Variants in ACTR3C observed in about 807,000 individuals in gnomAD.
ACTR3C encodes actin related protein 3C.
Under a neutral mutation model 26.3 loss-of-function variants are expected in ACTR3C, and 18 were observed. The ratio of observed to expected loss-of-function variants is 0.68; its 90% CI spans 0.47 to 1.01. The LOEUF (loss-of-function observed/expected upper bound fraction) is 1.01, where lower values mean the gene tolerates loss of function less well. Among genes scored for constraint, ACTR3C ranks in the 50% least tolerant of loss-of-function variants. ACTR3C has a pLI of 0.00. For missense variants in ACTR3C, 184 were observed against 250.7 expected, an observed-to-expected ratio of 0.73 and a Z score of 1.80; for synonymous variants, 55 against 94.5, an observed-to-expected ratio of 0.58 and a Z score of 2.42.
the ACTR3C span, among the ~76,000 whole-genome samples, chr7:150,125,432 T>C: frequency 5.7e-4 from 85 of 147,910 alleles, no homozygotes; most frequent in African/African-American, 1.9e-3. Context: ...ATAGAGAGTC[T>C]AGAAAATCTT....
intron 6 of ACTR3C, among the ~76,000 whole-genome samples, chr7:150,259,298 A>G (rs1833474750): frequency 6.6e-6 from 1 of 151,878 alleles, no homozygotes; most frequent in African/African-American, 2.4e-5. Context: ...AGAAAAAGAA[A>G]GAAAGAAAGA....
chr7:150,127,066 C>A, the ACTR3C span, among the ~76,000 whole-genome samples: 9 of 151,840 alleles, frequency 5.9e-5, no homozygotes, highest in African/African-American at 2.2e-4. Flanking sequence ...CAGGAAGAAT[C>A]CTCAGAGGAC....
intron 6 of ACTR3C, among the ~76,000 whole-genome samples, chr7:150,250,542 AGATTTCAGTGT>A (rs947205186): frequency 6.6e-6 from 1 of 151,798 alleles, no homozygotes; most frequent in African/African-American, 2.4e-5. Context: ...TACTGTGTTG[AGATTTCAGTGT>A]GAGGGTTAAG....
At chr7:149,900,979 G>A in the ACTR3C span, among the ~76,000 whole-genome samples, 1 of 151,928 alleles carries the variant, frequency 6.6e-6, no homozygotes, top group Non-Finnish European at 1.5e-5. Context: ...GTCACAGTAA[G>A]CCGACATCAC....
At chr7:150,111,345 G>A in the ACTR3C span, among the ~76,000 whole-genome samples, 2 of 106,498 alleles carry the variant, frequency 1.9e-5, no homozygotes, top group Non-Finnish European at 3.9e-5. Context: ...CCAGGACAGC[G>A]GCCAGCCCAG....
At chr7:150,219,401 T>C in the ACTR3C span, among the ~76,000 whole-genome samples, 1 of 147,726 alleles carries the variant, frequency 6.8e-6, no homozygotes, top group South Asian at 2.1e-4. Context: ...AAAAAATATA[T>C]AAATATTCGA....
the ACTR3C span, among the ~76,000 whole-genome samples, chr7:150,085,093 T>A: frequency 6.6e-6 from 1 of 152,082 alleles, no homozygotes; most frequent in Admixed American, 6.5e-5. Context: ...GGAACACTGG[T>A]GGAGGAGCAA....
chr7:149,935,603 T>C, the ACTR3C span, among the ~76,000 whole-genome samples: 1 of 142,860 alleles, frequency 7.0e-6, no homozygotes, highest in African/African-American at 2.6e-5. Flanking sequence ...GGTTTCACCA[T>C]GTTGGCCAGG....
the ACTR3C span, among the ~76,000 whole-genome samples, chr7:149,917,746 C>T: frequency 2.7e-5 from 4 of 149,068 alleles, no homozygotes; most frequent in Non-Finnish European, 5.9e-5. Context: ...AAGCAATCAT[C>T]TGCCTCAACT....
chr7:149,928,390 T>C, the ACTR3C span, among the ~76,000 whole-genome samples: 2 of 148,010 alleles, frequency 1.4e-5, no homozygotes, highest in African/African-American at 4.9e-5. Context: ...TCTTTTTTTT[T>C]TTTTTTTTTT....
At chr7:150,038,016 T>C in the ACTR3C span, among the ~76,000 whole-genome samples, 1 of 135,224 alleles carries the variant, frequency 7.4e-6, no homozygotes, top group Non-Finnish European at 1.6e-5. Flanking sequence ...CCTCCCCCCC[T>C]GCTATGGTGG....
the ACTR3C span, among the ~76,000 whole-genome samples, chr7:150,015,705 G>A: frequency 2.9e-4 from 44 of 152,114 alleles, no homozygotes; most frequent in Non-Finnish European, 1.8e-4. Flanking sequence ...ATCCCACCAC[G>A]GATCATGAAC....
At chr7:150,295,544 C>T (rs1261891391) in intron 1 of ACTR3C, among the ~76,000 whole-genome samples, 197 bp from the exon 2 acceptor site, 1 of 152,294 alleles carries the variant, frequency 6.6e-6, no homozygotes, top group Non-Finnish European at 1.5e-5. Flanking sequence ...AGAGTAAATA[C>T]TTCTCTGAAG....
At chr7:150,142,880 G>A in the ACTR3C span, among the ~76,000 whole-genome samples, 7 of 151,518 alleles carry the variant, frequency 4.6e-5, no homozygotes, top group Non-Finnish European at 1.0e-4. Context: ...TGTTGCCCAG[G>A]CTGGAGTGCA....
chr7:149,909,073 C>T, the ACTR3C span, among the ~76,000 whole-genome samples: 4 of 151,444 alleles, frequency 2.6e-5, no homozygotes, highest in African/African-American at 4.9e-5. Context: ...TGAGCCACCA[C>T]GCCCAGCCAA....
At chr7:150,086,177 T>A in the ACTR3C span, among the ~76,000 whole-genome samples, 1 of 151,958 alleles carries the variant, frequency 6.6e-6, no homozygotes, top group Non-Finnish European at 1.5e-5. Context: ...AGAGCTGGGG[T>A]TTCACCATGT....
chr7:149,972,078 C>G, the ACTR3C span, among the ~76,000 whole-genome samples: 1 of 152,216 alleles, frequency 6.6e-6, no homozygotes, highest in South Asian at 2.1e-4. Flanking sequence ...GGCCATTTCT[C>G]TGAGTGTCAT....
chr7:149,946,972 G>T, the ACTR3C span, among the ~76,000 whole-genome samples: 149 of 150,604 alleles, frequency 9.9e-4, no homozygotes, highest in African/African-American at 3.4e-3. Context: ...TGTGTGGGAA[G>T]CAGTGTATCT....
chr7:150,057,913 G>A, the ACTR3C span, among the ~76,000 whole-genome samples: 1 of 152,208 alleles, frequency 6.6e-6, no homozygotes, highest in Non-Finnish European at 1.5e-5. Context: ...TCCCATTGAA[G>A]TCGTTGGTCT....
Sources: allele counts gnomAD v4.1 joint callset (sites outside exome capture counted in the v4.1 genomes callset), GRCh38; gene constraint gnomAD v4.1.1; transcripts MANE v1.5; gene names NCBI Gene and HGNC (gene_info 2026-07-23, HGNC 2026-07-21).